The following EHBP1 variants were observed in gnomAD, a reference collection of about 807,000 sequenced individuals.
The protein encoded by EHBP1 is EH domain binding protein 1.
EHBP1 carries 55 observed loss-of-function variants against 144.0 expected under a neutral mutation model. That is an observed-to-expected ratio of 0.38 (90% CI 0.31 to 0.48). The LOEUF is 0.48. Ranked by LOEUF, EHBP1 falls within the 20% of genes least tolerant of loss-of-function variation. The pLI is 0.98. For missense variants in EHBP1, 1,200 were observed against 1,364.2 expected, an observed-to-expected ratio of 0.88 and a Z score of 1.90; for synonymous variants, 469 against 472.7, an observed-to-expected ratio of 0.99 and a Z score of 0.10.
At chr2:62,854,687 C>T (rs2048911154) in intron 7 of EHBP1, among the ~76,000 whole-genome samples, 1 of 152,196 alleles carries the variant, frequency 6.6e-6, no homozygotes, top group South Asian at 2.1e-4. Flanking sequence ...TAAGTAGTAA[C>T]AGCAAAGATC....
chr2:62,884,059 A>G (rs1483898745), intron 10 of EHBP1, among the ~76,000 whole-genome samples: 1 of 152,240 alleles, frequency 6.6e-6, no homozygotes, highest in Non-Finnish European at 1.5e-5. Context: ...TAAAAATGTT[A>G]TTCATTTCTG....
intron 14 of EHBP1, among the ~76,000 whole-genome samples, chr2:62,975,466 T>C (rs903740598): frequency 1.3e-5 from 2 of 152,216 alleles, no homozygotes. Context: ...GGCTGCAGCA[T>C]GACTATCTGG....
intron 5 of EHBP1, among the ~76,000 whole-genome samples, chr2:62,807,426 T>C (rs1558704509): frequency 6.6e-6 from 1 of 152,150 alleles, no homozygotes; most frequent in East Asian, 1.9e-4. Flanking sequence ...CACATGCCTG[T>C]AATCCCAGCT....
At chr2:62,869,958 A>G (rs1303213021) in intron 9 of EHBP1, among the ~76,000 whole-genome samples, 1 of 152,192 alleles carries the variant, frequency 6.6e-6, no homozygotes, top group Non-Finnish European at 1.5e-5. Flanking sequence ...TTTAATAATA[A>G]GTAATATAAT....
chr2:62,763,476 A>G (rs966349926), intron 3 of EHBP1, among the ~76,000 whole-genome samples: 1 of 152,222 alleles, frequency 6.6e-6, no homozygotes, highest in Non-Finnish European at 1.5e-5. Flanking sequence ...TTCTTAAGAC[A>G]TGGACCGGCA....
chr2:62,793,785 A>G (rs1366120478), intron 5 of EHBP1, among the ~76,000 whole-genome samples: 4 of 152,134 alleles, frequency 2.6e-5, no homozygotes, highest in Non-Finnish European at 4.4e-5. Flanking sequence ...TTATTCTCCA[A>G]TGGGGAAAAA....
chr2:62,909,686 CT>C (rs2054059874), intron 10 of EHBP1, among the ~76,000 whole-genome samples: 1 of 152,294 alleles, frequency 6.6e-6, no homozygotes, highest in South Asian at 2.1e-4. Context: ...TTGGGGTCTA[CT>C]TTTTACCTCT....
At chr2:63,006,207 G>A (rs561337729) in intron 19 of EHBP1, among the ~76,000 whole-genome samples, 1 of 151,632 alleles carries the variant, frequency 6.6e-6, no homozygotes. Flanking sequence ...GCACATAAAT[G>A]TCAGTCAGTG....
At chr2:62,872,327 A>G (rs2050557559) in intron 9 of EHBP1, among the ~76,000 whole-genome samples, 1 of 152,174 alleles carries the variant, frequency 6.6e-6, no homozygotes, top group African/African-American at 2.4e-5. Context: ...TTACTCAAAT[A>G]TACAATACCA....
At chr2:62,883,209 TAG>T (rs1285218662) in intron 10 of EHBP1, among the ~76,000 whole-genome samples, 1 of 152,238 alleles carries the variant, frequency 6.6e-6, no homozygotes, top group Non-Finnish European at 1.5e-5. Context: ...ATGCTATCTC[TAG>T]AGAGAGGTAT....
intron 5 of EHBP1, among the ~76,000 whole-genome samples, chr2:62,800,374 T>C (rs1452006121): frequency 6.6e-6 from 1 of 152,204 alleles, no homozygotes. Flanking sequence ...CTTTAAAGAA[T>C]GTTAATATCA....
intron 10 of EHBP1, among the ~76,000 whole-genome samples, chr2:62,929,292 G>C (rs1056418215): frequency 1.3e-5 from 2 of 152,098 alleles, no homozygotes; most frequent in Non-Finnish European, 2.9e-5. Context: ...CAAAACTGCA[G>C]ACTAATATCC....
chr2:62,838,508 A>G (rs376864012), intron 7 of EHBP1, among the ~76,000 whole-genome samples: 1 of 152,184 alleles, frequency 6.6e-6, no homozygotes, highest in Non-Finnish European at 1.5e-5. Context: ...AACTGAAGGA[A>G]ATAGAGACAC....
In EHBP1 at chr2:62,874,467, C is replaced by T. The variant is rs756892360; in HGVS notation, c.1120C>T (p.Pro374Ser). 3.7e-6 allele frequency: 6 copies of T among 1,612,832 alleles called. No homozygotes were observed. The highest frequency in any genetic ancestry group is 5.1e-6 in the Non-Finnish European group (6 of 1,179,406). Residue 374 changes from proline to serine, a missense_variant, in exon 10 of 23, where the codon CCA (proline) becomes TCA (serine). Coordinates refer to ENST00000431489, the MANE Select transcript of EHBP1 (RefSeq NM_001142616.3). ...GGCCCCGGCTCCACCAGTCCTCTCACCAAAAACAGGAGTATTAAATGAAAA... is the reference window on the plus strand; with the variant it reads ...GGCCCCGGCTCCACCAGTCCTCTCATCAAAAACAGGAGTATTAAATGAAAA... The part of the protein sequence containing the change: ...RKAPAPPVLS[P>S]KTGVLNENTV...
At chr2:62,830,910 C>A in intron 6 of EHBP1, 109 bp from the exon 7 acceptor site, 1 of 1,138,860 alleles carries the variant, frequency 8.8e-7, no homozygotes, top group Non-Finnish European at 1.2e-6. Flanking sequence ...ATAAGAAAGA[C>A]TTATTGACAT....
intron 7 of EHBP1, among the ~76,000 whole-genome samples, chr2:62,855,591 A>G (rs549651706): frequency 2.0e-5 from 3 of 152,206 alleles, no homozygotes; most frequent in African/African-American, 7.2e-5. Context: ...CCATGAACCA[A>G]TCAGCATGCA....
At chr2:62,732,830 T>C (rs577546750) in intron 2 of EHBP1, among the ~76,000 whole-genome samples, 1 of 152,338 alleles carries the variant, frequency 6.6e-6, no homozygotes, top group East Asian at 1.9e-4. Context: ...TTTTTCTTTT[T>C]TTCCCAATTC....
intron 9 of EHBP1, among the ~76,000 whole-genome samples, chr2:62,866,086 CCCA>C (rs2050011525): frequency 2.6e-5 from 4 of 152,202 alleles, no homozygotes; most frequent in African/African-American, 9.7e-5. Context: ...AATTTGTGTT[CCCA>C]CCAGCCAGAA....
intron 12 of EHBP1, among the ~76,000 whole-genome samples, chr2:62,944,449 C>T (rs781469270): frequency 6.6e-6 from 1 of 152,068 alleles, no homozygotes; most frequent in Non-Finnish European, 1.5e-5. Context: ...CTACACTATT[C>T]AGTATAGGAA....
Sources: gnomAD v4.1 joint callset for allele counts (sites outside exome capture counted in the v4.1 genomes callset) on GRCh38, gnomAD v4.1.1 for gene constraint, MANE v1.5 for transcripts, NCBI Gene and HGNC (gene_info 2026-07-23, HGNC 2026-07-21) for gene names.